MTMR7: variants seen among roughly 807,000 people sequenced by gnomAD.
MTMR7 encodes the protein phosphatidylinositol-3-phosphate phosphatase MTMR7.
In MTMR7, 76 loss-of-function variants were observed where a neutral mutation model predicts 81.2. That is an observed-to-expected ratio of 0.94 (90% CI 0.78 to 1.13). The LOEUF is 1.13. Ranked by LOEUF, MTMR7 falls within the 50% of genes most tolerant of loss-of-function variation. The probability of loss-of-function intolerance (pLI) is 0.00; values close to 1 mark genes in which losing one functional copy is unlikely to be tolerated. For synonymous variants in MTMR7, 372 were observed against 289.8 expected (o/e 1.28, Z -2.88); for missense variants, 1,044 against 820.0 (o/e 1.27, Z -3.34).
intron 1 of MTMR7, among the ~76,000 whole-genome samples, chr8:17,382,205 G>C (rs1222318990): frequency 1.3e-5 from 2 of 152,210 alleles, no homozygotes; most frequent in East Asian, 1.9e-4. Context: ...AGCCTCTGAA[G>C]CTGGCCCAGA....
intron 1 of MTMR7, among the ~76,000 whole-genome samples, chr8:17,408,947 T>G (rs1821669336): frequency 6.6e-6 from 1 of 152,200 alleles, no homozygotes. Context: ...TTGTGCATTT[T>G]AATAAAAATG....
At chr8:17,388,835 G>C (rs1202337469) in intron 1 of MTMR7, among the ~76,000 whole-genome samples, 3 of 152,342 alleles carry the variant, frequency 2.0e-5, no homozygotes, top group South Asian at 2.1e-4. Flanking sequence ...GCCAAGGCCA[G>C]GTTCCAGCTC....
chr8:17,369,656 T>C (rs1227991425), intron 3 of MTMR7, among the ~76,000 whole-genome samples: 4 of 145,050 alleles, frequency 2.8e-5, no homozygotes, highest in South Asian at 2.2e-4. Flanking sequence ...TTTTTTTTTT[T>C]TTTTTTTGAA....
chr8:17,381,340 C>T (rs1375814069), intron 1 of MTMR7, among the ~76,000 whole-genome samples: 1 of 152,154 alleles, frequency 6.6e-6, no homozygotes, highest in African/African-American at 2.4e-5. Context: ...CCTTGGCCTT[C>T]CCTTCACTGC....
intron 3 of MTMR7, among the ~76,000 whole-genome samples, chr8:17,369,311 C>G (rs1480012932): frequency 6.6e-6 from 1 of 152,190 alleles, no homozygotes; most frequent in African/African-American, 2.4e-5. Flanking sequence ...AAGCCTCAAC[C>G]AACTGCCTTT....
At chr8:17,313,221 G>A in intron 8 of MTMR7, 71 bp downstream of exon 8, 1 of 1,136,382 alleles carries the variant, frequency 8.8e-7, no homozygotes, top group Non-Finnish European at 1.3e-6. Context: ...GCCCATGGCA[G>A]AGGGATACCC....
At chr8:17,330,190 G>C (rs1032488639) in intron 7 of MTMR7, among the ~76,000 whole-genome samples, 2 of 152,226 alleles carry the variant, frequency 1.3e-5, no homozygotes, top group African/African-American at 4.8e-5. Flanking sequence ...ATTAAACGAA[G>C]AACGGCTTAA....
intron 1 of MTMR7, among the ~76,000 whole-genome samples, chr8:17,387,039 G>A (rs541496873): frequency 5.9e-5 from 9 of 152,158 alleles, no homozygotes; most frequent in African/African-American, 1.9e-4. Context: ...GCTGCTAACC[G>A]GGCCTTCCAC....
Position 17,299,937 on chromosome 8 carries a change from A to G in MTMR7, c.1908T>C (p.Ser636=). The G allele has an allele frequency of 1.2e-6, 2 of 1,614,070 alleles. No individual in the cohort carries two copies. The highest frequency in any genetic ancestry group is 1.3e-5 in the African/African-American group (1 of 75,016). Residue 636 remains serine, a synonymous_variant, in exon 14 of 14, where the codon AGT becomes AGC. Coordinates refer to ENST00000180173, the MANE Select transcript of MTMR7 (RefSeq NM_004686.5). ...CTTCACTCGGTGCATGCTCACCACC[A>G]CTTGGAGACCGACAGCTCAAATCCT... The part of the protein sequence containing the change: ...GVEDLSCRSP[S]GGEHAPSEDS...
At chr8:17,363,917 AC>A (rs1404442745) in intron 3 of MTMR7, among the ~76,000 whole-genome samples, 1 of 145,718 alleles carries the variant, frequency 6.9e-6, no homozygotes, top group Non-Finnish European at 1.5e-5. Flanking sequence ...AAAAAAAAAA[AC>A]CTAGGGCTTG....
At chr8:17,311,392 G>A (rs1219248053) in intron 9 of MTMR7, 119 bp downstream of exon 9, 3 of 1,315,150 alleles carry the variant, frequency 2.3e-6, no homozygotes, top group Non-Finnish European at 2.1e-6. Context: ...TAATCTTGCT[G>A]AGCTACTAAA....
At chr8:17,303,199 G>T (rs1817240332) in intron 12 of MTMR7, among the ~76,000 whole-genome samples, 1 of 152,132 alleles carries the variant, frequency 6.6e-6, no homozygotes, top group Non-Finnish European at 1.5e-5. Flanking sequence ...AATAAAATAT[G>T]TGTTGACTAG....
At chr8:17,316,012 T>G (rs992558106) in intron 7 of MTMR7, among the ~76,000 whole-genome samples, 1 of 152,152 alleles carries the variant, frequency 6.6e-6, no homozygotes, top group African/African-American at 2.4e-5. Context: ...CCAGATCCTA[T>G]CTCTAAAAAA....
chr8:17,305,993 A>C, intron 10 of MTMR7, 36 bp from the exon 11 acceptor site: 1 of 1,531,712 alleles, frequency 6.5e-7, no homozygotes, highest in Non-Finnish European at 8.9e-7. Context: ...TTTAAGGCAG[A>C]TTTATTTTTA....
At chr8:17,370,555 A>G (rs1258535608) in intron 3 of MTMR7, among the ~76,000 whole-genome samples, 1 of 75,668 alleles carries the variant, frequency 1.3e-5, no homozygotes, top group Non-Finnish European at 2.7e-5. Flanking sequence ...AAGTGCCTCA[A>G]AAAAAAAAAA....
intron 9 of MTMR7, among the ~76,000 whole-genome samples, chr8:17,310,257 T>A (rs1270182219): frequency 6.6e-6 from 1 of 151,900 alleles, no homozygotes; most frequent in Non-Finnish European, 1.5e-5. Flanking sequence ...CTCCTTAACC[T>A]CCCAAAATGC....
intron 7 of MTMR7, among the ~76,000 whole-genome samples, chr8:17,329,991 G>A (rs1171792168): frequency 1.3e-5 from 2 of 152,172 alleles, no homozygotes; most frequent in African/African-American, 4.8e-5. Flanking sequence ...TGTCACAGCT[G>A]GAAGACCCAT....
rs933548463 is a variant in MTMR7 at position 17,354,850 on chromosome 8, G to A, written c.469-5769C>T. Among the ~76,000 whole-genome samples the A allele has an allele frequency of 3.3e-5, 5 of 152,164 alleles. No individual in the cohort carries two copies. The South Asian group carries it at 1.0e-3, about 31-fold the overall frequency. ...ACTTGTGTTCTCTTGCTAAGTTAGT[G>A]ACAAATCAGGATACATCATCTTCCT... On this transcript the variant is annotated intron_variant, in intron 4 of 13. Coordinates refer to ENST00000180173, the MANE Select transcript of MTMR7 (RefSeq NM_004686.5).
intron 7 of MTMR7, among the ~76,000 whole-genome samples, chr8:17,324,386 T>A (rs922398914): frequency 1.3e-5 from 2 of 152,228 alleles, no homozygotes; most frequent in African/African-American, 2.4e-5. Flanking sequence ...ATCTTCAGAT[T>A]GGAAACAGTG....
Sources: allele counts gnomAD v4.1 joint callset (sites outside exome capture counted in the v4.1 genomes callset), GRCh38; gene constraint gnomAD v4.1.1; transcripts MANE v1.5; gene names NCBI Gene and HGNC (gene_info 2026-07-23, HGNC 2026-07-21).